UMAD1: variants seen among roughly 807,000 people sequenced by gnomAD.
The protein encoded by UMAD1 is UBAP1-MVB12-associated (UMA) domain containing 1, also known as UBAP1-MVB12-associated (UMA)-domain containing protein 1.
UMAD1 carries 8 observed loss-of-function variants against 6.1 expected under a neutral mutation model. That is an observed-to-expected ratio of 1.30 (90% CI 0.76 to 2.35). The LOEUF is 2.35. Among genes scored for constraint, UMAD1 ranks in the 30% most tolerant of loss-of-function variants. The pLI is 0.00. For missense variants in UMAD1, 130 were observed against 78.4 expected (o/e 1.66, Z -2.49); for synonymous variants, 56 against 31.4 (o/e 1.78, Z -2.61).
intron 1 of UMAD1, among the ~76,000 whole-genome samples, chr7:7,661,094 C>G (rs374053547): frequency 6.6e-6 from 1 of 152,026 alleles, no homozygotes; most frequent in African/African-American, 2.4e-5. Context: ...CTTTCTTCCA[C>G]TTGATTGATT....
At chr7:7,789,704 T>A (rs1782532357) in intron 2 of UMAD1, among the ~76,000 whole-genome samples, 1 of 151,850 alleles carries the variant, frequency 6.6e-6, no homozygotes. Flanking sequence ...ATAAGTAGCA[T>A]CATACAGTAT....
chr7:7,835,234 T>C (rs10242479), intron 3 of UMAD1, among the ~76,000 whole-genome samples: 2,692 of 152,288 alleles, frequency 0.018, 89 homozygotes, highest in African/African-American at 0.061. Context: ...TTTATTGTTT[T>C]GTGTGTATCT....
At chr7:7,747,820 A>C (rs184412501) in intron 2 of UMAD1, among the ~76,000 whole-genome samples, 1 of 152,218 alleles carries the variant, frequency 6.6e-6, no homozygotes, top group African/African-American at 2.4e-5. Flanking sequence ...TCCTTAGAGG[A>C]AAAGAAAGTT....
chr7:7,874,218 C>G (rs1464685474), intron 3 of UMAD1, among the ~76,000 whole-genome samples: 1 of 152,162 alleles, frequency 6.6e-6, no homozygotes, highest in Non-Finnish European at 1.5e-5. Flanking sequence ...TAAAGTCTAT[C>G]CAAAATCCAA....
chr7:7,742,418 G>A, intron 2 of UMAD1: 6 of 578,796 alleles, frequency 1.0e-5, no homozygotes, highest in Non-Finnish European at 2.0e-5. Flanking sequence ...CTGGAAGGTG[G>A]GTGACGGGCA....
intron 3 of UMAD1, among the ~76,000 whole-genome samples, chr7:7,847,632 C>T (rs916033559): frequency 3.9e-5 from 6 of 152,052 alleles, no homozygotes; most frequent in Non-Finnish European, 7.4e-5. Flanking sequence ...CAGTTGGTTT[C>T]CTAGTGTTTT....
At chr7:7,865,017 G>C (rs1325061760) in intron 3 of UMAD1, among the ~76,000 whole-genome samples, 1 of 152,162 alleles carries the variant, frequency 6.6e-6, no homozygotes, top group Non-Finnish European at 1.5e-5. Flanking sequence ...GGGTGTGGGA[G>C]CCCCAAACTC....
chr7:7,847,496 C>T (rs1231249272), intron 3 of UMAD1, among the ~76,000 whole-genome samples: 1 of 151,898 alleles, frequency 6.6e-6, no homozygotes, highest in East Asian at 1.9e-4. Flanking sequence ...TCAGTTGAAA[C>T]CTCCCCTCCC....
intron 3 of UMAD1, among the ~76,000 whole-genome samples, chr7:7,854,509 A>G (rs748696427): frequency 2.0e-5 from 3 of 152,128 alleles, no homozygotes; most frequent in African/African-American, 4.8e-5. Context: ...GAAATGCCGG[A>G]CGCATATAAA....
chr7:7,850,470 T>G (rs1783887749), intron 3 of UMAD1, among the ~76,000 whole-genome samples: 1 of 152,108 alleles, frequency 6.6e-6, no homozygotes, highest in African/African-American at 2.4e-5. Context: ...AAGAATTGTA[T>G]CTTTTATCTT....
chr7:7,824,291 A>G (rs918200122), intron 3 of UMAD1, among the ~76,000 whole-genome samples: 1 of 152,130 alleles, frequency 6.6e-6, no homozygotes, highest in South Asian at 2.1e-4. Flanking sequence ...GTTGATTAGC[A>G]TGGCATCCAG....
chr7:7,780,640 C>A (rs923581570), intron 2 of UMAD1, among the ~76,000 whole-genome samples: 6 of 152,188 alleles, frequency 3.9e-5, no homozygotes, highest in African/African-American at 1.4e-4. Flanking sequence ...CTTCATCCAA[C>A]TTCCAAAGCA....
chr7:7,831,476 G>A (rs1783465963), intron 3 of UMAD1, among the ~76,000 whole-genome samples: 1 of 152,180 alleles, frequency 6.6e-6, no homozygotes, highest in African/African-American at 2.4e-5. Context: ...GTCAATGAAA[G>A]AAGTCAAAGT....
chr7:7,874,719 AATAC>A (rs1190593980), intron 3 of UMAD1, among the ~76,000 whole-genome samples: 1 of 152,174 alleles, frequency 6.6e-6, no homozygotes, highest in Non-Finnish European at 1.5e-5. Context: ...GTCTCAAAAT[AATAC>A]ATAAATAAAT....
At chr7:7,783,887 GTATGCTGTCTACTCT>G (rs1202863352) in intron 2 of UMAD1, among the ~76,000 whole-genome samples, 1 of 152,128 alleles carries the variant, frequency 6.6e-6, no homozygotes, top group Non-Finnish European at 1.5e-5. Context: ...GACTGACACG[GTATGCTGTCTACTCT>G]AATTCAGTAC....
At chr7:7,650,263 A>G (rs1408611452) in intron 1 of UMAD1, among the ~76,000 whole-genome samples, 1 of 152,164 alleles carries the variant, frequency 6.6e-6, no homozygotes, top group African/African-American at 2.4e-5. Context: ...ATTTGCTTGA[A>G]ATTACCCATA....
chr7:7,787,606 C>G lies in UMAD1; in HGVS notation c.83-14064C>G, dbSNP rs148399711. Reference sequence around the variant, plus strand: ...AAACTCCATTGTAACTATGCAGAACCCAGTAAAATCTCTTTTCTTTCTCCT... The same window carrying G: ...AAACTCCATTGTAACTATGCAGAACGCAGTAAAATCTCTTTTCTTTCTCCT... On this transcript the variant is annotated intron_variant, in intron 2 of 3. Transcript: ENST00000682710. 2.2e-4 allele frequency among the ~76,000 whole-genome samples: 33 copies of G among 152,194 alleles called. No individual in the cohort carries two copies. The East Asian group carries it at 6.0e-3, about 28-fold the overall frequency.
intron 2 of UMAD1, among the ~76,000 whole-genome samples, chr7:7,700,839 G>C (rs1434924006): frequency 6.6e-6 from 1 of 152,046 alleles, no homozygotes; most frequent in Non-Finnish European, 1.5e-5. Flanking sequence ...AGTGAGCTGA[G>C]AATGTGCCAC....
In UMAD1 at chr7:7,801,717, G is replaced by T; in HGVS notation, c.130G>T (p.Asp44Tyr). 1 of 718,094 alleles carries T rather than the reference G, an allele frequency of 1.4e-6. No individual in the cohort carries two copies. Among genetic ancestry groups the T allele is most frequent in the Non-Finnish European group, 2.6e-6 (1 of 385,210 alleles). 44.5% of individuals were successfully genotyped at this position (718,094 alleles called of 1,614,324 possible). The change falls in exon 3 of 4, where the codon GAC becomes TAC. Residue 44 changes from aspartate to tyrosine, a missense_variant. By Grantham distance (160) the Asp-to-Tyr change is radical (BLOSUM62 -3). Transcript: ENST00000682710. ...QRMTARGKTS[D>Y]IEANQPLETN... The stretch of plus-strand genomic sequence containing the variant: ...AATGACAGCAAGAGGCAAAACTTCG[G>T]ACATAGAGGCCAACCAACCTTTGGA...
Sources: allele counts gnomAD v4.1 joint callset (sites outside exome capture counted in the v4.1 genomes callset), GRCh38; gene constraint gnomAD v4.1.1; transcripts MANE v1.5; gene names NCBI Gene and HGNC (gene_info 2026-07-23, HGNC 2026-07-21).